The following MAPK6 variants were observed in gnomAD, a reference collection of about 807,000 sequenced individuals.
MAPK6 encodes ERK-3.
In MAPK6, 19 loss-of-function variants were observed where a neutral mutation model predicts 59.3. The ratio of observed to expected loss-of-function variants is 0.32; its 90% confidence interval spans 0.22 to 0.47. The LOEUF (loss-of-function observed/expected upper bound fraction) is 0.47, where lower values mean the gene tolerates loss of function less well. Among genes scored for constraint, MAPK6 ranks in the 20% least tolerant of loss-of-function variants. The pLI, the probability that MAPK6 is intolerant of heterozygous loss-of-function variation, is 1.00. For missense variants in MAPK6, 724 were observed against 847.9 expected, an observed-to-expected ratio of 0.85 and a Z score of 1.81; for synonymous variants, 316 against 290.3, an observed-to-expected ratio of 1.09 and a Z score of -0.90.
intron 3 of MAPK6, among the ~76,000 whole-genome samples, chr15:52,058,200 C>G (rs1030673279): frequency 2.6e-5 from 4 of 152,172 alleles, no homozygotes; most frequent in African/African-American, 4.8e-5. Flanking sequence ...TAACATAGAA[C>G]TATAAAACTT....
chr15:51,977,965 T>C (rs1158288244), intron 1 of MAPK6, among the ~76,000 whole-genome samples: 1 of 151,742 alleles, frequency 6.6e-6, no homozygotes, highest in Non-Finnish European at 1.5e-5. Flanking sequence ...ACACTAAGTT[T>C]TGAGGTATTT....
In MAPK6 at chr15:52,008,339, T is replaced by C. The variant is rs535150067; in HGVS notation, c.-632+3937T>C. 1.6e-4 allele frequency among the ~76,000 whole-genome samples: 25 copies of C among 152,324 alleles called. No individual in the cohort carries two copies. The South Asian group carries it at 5.0e-3, about 30-fold the overall frequency. On this transcript the variant is annotated intron_variant, in intron 3 of 7. Coordinates refer to the MAPK6 transcript ENST00000691380. ...TATGTCTTAGAATGCCATTGCCTTC[T>C]TTCGGTTTGAAGTTCTGGTTCCAGT...
At position 51,979,426 on chromosome 15, in the gene MAPK6, T is replaced by C. The variant is rs115258290; in HGVS notation, c.-879-3780T>C. On this transcript the variant is annotated intron_variant, in intron 1 of 7. Coordinates refer to the MAPK6 transcript ENST00000691380. ...ACACTAATAATTTTAGTAAAGAATA[T>C]TTTATTTCCAAGATACATGGTAAGG... 5.8e-3 allele frequency among the ~76,000 whole-genome samples: 881 copies of C among 151,930 alleles called. 15 individuals carry two copies. The highest frequency in any genetic ancestry group is 0.02 in the African/African-American group (839 of 41,524).
At chr15:52,023,531 A>T (rs2030627839) in intron 1 of MAPK6, among the ~76,000 whole-genome samples, 1 of 152,268 alleles carries the variant, frequency 6.6e-6, no homozygotes, top group East Asian at 1.9e-4. Context: ...ATTTGGGCCT[A>T]GTCCAGCATT....
upstream of MAPK6, among the ~76,000 whole-genome samples, chr15:52,015,162 G>A (rs975602247): frequency 1.2e-4 from 18 of 151,758 alleles, no homozygotes; most frequent in Non-Finnish European, 2.1e-4. Context: ...CACCAGGCCC[G>A]GCTAATTTTT....
At chr15:52,050,925 G>C (rs966213095) in intron 3 of MAPK6, among the ~76,000 whole-genome samples, 4 of 152,202 alleles carry the variant, frequency 2.6e-5, no homozygotes, top group African/African-American at 9.7e-5. Context: ...AAAGTATTTA[G>C]AAAGTAGGCA....
At chr15:52,001,718 A>G (rs1303066713) in intron 2 of MAPK6, among the ~76,000 whole-genome samples, 1 of 152,122 alleles carries the variant, frequency 6.6e-6, no homozygotes, top group Admixed American at 6.5e-5. Flanking sequence ...CATGTTGGCC[A>G]GGCTGGTCTC....
At chr15:52,050,847 GA>G (rs1464904940) in intron 3 of MAPK6, among the ~76,000 whole-genome samples, 1 of 152,098 alleles carries the variant, frequency 6.6e-6, no homozygotes, top group Non-Finnish European at 1.5e-5. Context: ...ATGAATCTGA[GA>G]TTTGTGCAAG....
intron 1 of MAPK6, among the ~76,000 whole-genome samples, chr15:52,043,642 G>A (rs2031498926): frequency 6.8e-6 from 1 of 146,952 alleles, no homozygotes; most frequent in Non-Finnish European, 1.5e-5. Context: ...ACATGAGCTA[G>A]ATCATATAAC....
At chr15:52,002,825 C>T (rs2141825298) in intron 2 of MAPK6, among the ~76,000 whole-genome samples, 1 of 152,184 alleles carries the variant, frequency 6.6e-6, no homozygotes, top group African/African-American at 2.4e-5. Context: ...GAAGCAAGCA[C>T]ATCTTAGGTG....
At chr15:52,015,242 C>G (rs2030201294), upstream of MAPK6, among the ~76,000 whole-genome samples, 1 of 152,034 alleles carries the variant, frequency 6.6e-6, no homozygotes, top group African/African-American at 2.4e-5. Context: ...CTCATGTGAT[C>G]TACCCGCCTC....
At chr15:52,031,792 C>A (rs1163642901) in intron 1 of MAPK6, among the ~76,000 whole-genome samples, 2 of 152,142 alleles carry the variant, frequency 1.3e-5, no homozygotes, top group Non-Finnish European at 2.9e-5. Context: ...ATGTTCATGC[C>A]ACTGCACTTC....
chr15:52,066,838 ATTAAT>A lies in MAPK6; in HGVS notation c.*1843_*1847del, dbSNP rs1406506774. On this transcript the variant is annotated 3_prime_UTR_variant, in exon 6 of 6. Transcript: ENST00000261845. Reference sequence around the variant, plus strand: ...TTTTCTGGTTGAATACTGTCACGTTATTAATTTAAACATACTCAAATTACCTTAAG... The same window carrying A: ...TTTTCTGGTTGAATACTGTCACGTTATTAAACATACTCAAATTACCTTAAG... 6.6e-6 allele frequency: 1 copy of A among 151,576 alleles called. No homozygotes were observed. The highest frequency in any genetic ancestry group is 1.5e-5 in the Non-Finnish European group (1 of 67,952). The allele number at this position is 151,576 out of a possible 1,614,324, so 9.4% of individuals were successfully genotyped here.
rs768674995 is a variant in MAPK6 at position 52,063,992 on chromosome 15, C to G, written c.1158C>G (p.Ser386=). The G allele has an allele frequency of 1.2e-6, 2 of 1,613,452 alleles. No homozygotes were observed. Among genetic ancestry groups the G allele is most frequent in the East Asian group, 4.5e-5 (2 of 44,864 alleles). Reference sequence around the variant, plus strand: ...TTCAGCTTGATCCAAGAGCTCTGTCCGATGTCACTGATGAAGAAGAAGTAC... The same window carrying G: ...TTCAGCTTGATCCAAGAGCTCTGTCGGATGTCACTGATGAAGAAGAAGTAC... The part of the protein sequence containing the change: ...DEVQLDPRAL[S]DVTDEEEVQV... The change falls in exon 6 of 6, where the codon TCC becomes TCG. Residue 386 remains serine, a synonymous_variant. Coordinates refer to ENST00000261845, the MANE Select transcript of MAPK6 (RefSeq NM_002748.4).
At chr15:52,039,305 A>C (rs944061944) in intron 1 of MAPK6, among the ~76,000 whole-genome samples, 2 of 152,052 alleles carry the variant, frequency 1.3e-5, no homozygotes, top group African/African-American at 4.8e-5. Context: ...ACTAGTTGTA[A>C]TCTGGTTACA....
intron 1 of MAPK6, among the ~76,000 whole-genome samples, chr15:52,032,186 A>ATTTTT (rs566086048): frequency 6.5e-5 from 6 of 92,486 alleles, no homozygotes; most frequent in Admixed American, 1.2e-4. Context: ...ACAATTTTTA[A>ATTTTT]TTTTTTTTTT....
At chr15:52,028,169 G>T (rs1042443317) in intron 1 of MAPK6, among the ~76,000 whole-genome samples, 1 of 151,742 alleles carries the variant, frequency 6.6e-6, no homozygotes, top group South Asian at 2.1e-4. Context: ...AGCCAGGATG[G>T]TCTCGATCTC....
chr15:52,052,641 A>T (rs1334226275), intron 3 of MAPK6, among the ~76,000 whole-genome samples: 1 of 152,140 alleles, frequency 6.6e-6, no homozygotes, highest in Admixed American at 6.5e-5. Context: ...TGGTTGTTTC[A>T]GATAACATTT....
At chr15:52,048,089 C>T (rs1294978857) in intron 2 of MAPK6, among the ~76,000 whole-genome samples, 1 of 152,176 alleles carries the variant, frequency 6.6e-6, no homozygotes, top group African/African-American at 2.4e-5. Context: ...TAGCTTTCCA[C>T]AGTACATGCC....
Sources: allele counts gnomAD v4.1 joint callset (sites outside exome capture counted in the v4.1 genomes callset), GRCh38; gene constraint gnomAD v4.1.1; transcripts MANE v1.5; gene names NCBI Gene and HGNC (gene_info 2026-07-23, HGNC 2026-07-21).